The following ARHGAP23 variants were observed in gnomAD, a reference collection of about 807,000 sequenced individuals.
The protein encoded by ARHGAP23 is rho GTPase-activating protein 23.
In ARHGAP23, 34 loss-of-function variants were observed where a neutral mutation model predicts 136.3. That is an observed-to-expected ratio of 0.25 (90% confidence interval 0.19 to 0.33). ARHGAP23 has a LOEUF of 0.33. ARHGAP23 is among the 10% of genes least tolerant of loss of function. The probability of loss-of-function intolerance (pLI) is 1.00; values close to 1 mark genes in which losing one functional copy is unlikely to be tolerated. For missense variants in ARHGAP23, 1,808 were observed against 2,139.0 expected (o/e 0.85, Z 3.05); for synonymous variants, 832 against 920.5 (o/e 0.90, Z 1.74).
chr17:38,444,319 G>A (rs1225358209), intron 1 of ARHGAP23, among the ~76,000 whole-genome samples: 3 of 152,104 alleles, frequency 2.0e-5, no homozygotes, highest in African/African-American at 7.2e-5. Flanking sequence ...CTGCCAGGCA[G>A]CCGAGATGTG....
chr17:38,462,531 C>T (rs1391646655), intron 3 of ARHGAP23, among the ~76,000 whole-genome samples: 1 of 152,222 alleles, frequency 6.6e-6, no homozygotes, highest in African/African-American at 2.4e-5. Flanking sequence ...ACTGGGATTA[C>T]AGGCGTGAGC....
rs1254539950 is a variant in ARHGAP23, at chr17:38,477,591, G to A, written c.2131G>A (p.Gly711Ser). 7.8e-6 allele frequency: 10 copies of A among 1,274,942 alleles called. No homozygotes were observed. Among genetic ancestry groups the A allele is most frequent in the Non-Finnish European group, 8.9e-6 (9 of 1,007,326 alleles). 79.0% of individuals were successfully genotyped at this position (1,274,942 alleles called of 1,614,324 possible). A position where few individuals can be genotyped will look rare whatever the true frequency, so the allele number is the denominator to read the frequency against. ...TGTCTCCCTGCAGAAAGCGGGCAGC[G>A]GCCTGCGCCAGTGGAAGCGGGTGTA... ...LTKKGKKAGS[G>S]LRQWKRVYAA... is the part of the protein sequence containing the mutation. The change falls in exon 12 of 24, where the codon GGC (glycine) becomes AGC (serine). Residue 711 changes from glycine to serine, a missense_variant. Around this residue, in one of 7 missense-constraint regions of ARHGAP23, gnomAD observed 139 missense variants for 264.3 expected, o/e 0.53. Transcript: ENST00000622683. This position sits in a 1 kb window ranked among gnomAD's most constrained non-coding sequence, Gnocchi z 6.6.
In ARHGAP23 at chr17:38,462,954, A is replaced by T; in HGVS notation, c.349+13A>T. 6.5e-7 allele frequency: 1 copy of T among 1,544,672 alleles called. No homozygotes were observed. The highest frequency in any genetic ancestry group is 8.7e-7 in the Non-Finnish European group (1 of 1,144,878). On this transcript the variant is annotated intron_variant, in intron 4 of 23. Transcript: ENST00000622683. ...GGGCTTCGCACAGGTGAGCTGGCCCAGTTACCTGGGCTCTACTTTCTACCT... is the reference window on the plus strand; with the variant it reads ...GGGCTTCGCACAGGTGAGCTGGCCCTGTTACCTGGGCTCTACTTTCTACCT...
Position 38,458,168 on chromosome 17 carries a change from C to T in ARHGAP23, c.130C>T (p.Leu44=), listed in dbSNP as rs888959390. Residue 44 remains leucine, a synonymous_variant, in exon 2 of 24, where the codon CTG becomes TTG. Transcript: ENST00000622683. ...CTTCCCCTGGCAGGGGCCGAGGACGCTGCTGCTGTACAAAAGTCCCCAGGA... is the reference window on the plus strand; with the variant it reads ...CTTCCCCTGGCAGGGGCCGAGGACGTTGCTGCTGTACAAAAGTCCCCAGGA... The part of the protein sequence containing the change: ...RPFPWQGPRT[L]LLYKSPQDGF... 77 of 1,536,022 alleles carry T rather than the reference C, an allele frequency of 5.0e-5. No individual in the cohort carries two copies. The highest frequency in any genetic ancestry group is 6.7e-5 in the Non-Finnish European group (77 of 1,146,902).
intron 20 of ARHGAP23, among the ~76,000 whole-genome samples, chr17:38,493,204 GTTTT>G (rs201592798): frequency 1.5e-5 from 1 of 67,536 alleles, no homozygotes; most frequent in Non-Finnish European, 4.1e-5. Flanking sequence ...CTTTTTTTTT[GTTTT>G]TTTGTTTTTT....
At chr17:38,474,123 G>GTT (rs1317542026) in intron 11 of ARHGAP23, among the ~76,000 whole-genome samples, 2 of 152,160 alleles carry the variant, frequency 1.3e-5, no homozygotes, top group East Asian at 3.9e-4. Flanking sequence ...GTTTCACTAT[G>GTT]TTGGCCAGGC....
chr17:38,467,397 C>G, intron 7 of ARHGAP23, 66 bp downstream of exon 7: 1 of 1,409,688 alleles, frequency 7.1e-7, no homozygotes, highest in Non-Finnish European at 9.4e-7. Flanking sequence ...CCTGCTGTAC[C>G]CCATCTGCCT....
intron 23 of ARHGAP23, among the ~76,000 whole-genome samples, chr17:38,501,744 C>A (rs1013762835): frequency 3.9e-5 from 6 of 151,978 alleles, no homozygotes; most frequent in Admixed American, 1.3e-4. Flanking sequence ...TCCTATACCT[C>A]CTAAGGAAAT....
chr17:38,434,487 G>A (rs1004044124), intron 1 of ARHGAP23, among the ~76,000 whole-genome samples: 1 of 152,196 alleles, frequency 6.6e-6, no homozygotes, highest in African/African-American at 2.4e-5. Flanking sequence ...AGCATGGGGC[G>A]GGGCGTGGGG....
intron 6 of ARHGAP23, among the ~76,000 whole-genome samples, chr17:38,464,418 C>T (rs975285594): frequency 8.5e-5 from 13 of 152,270 alleles, no homozygotes; most frequent in Admixed American, 8.5e-4. Flanking sequence ...TTACTTGCCC[C>T]TGAGGTCACT....
Position 38,466,867 on chromosome 17 carries a change from G to C in ARHGAP23, c.1184G>C (p.Arg395Pro), listed in dbSNP as rs544775256. The change falls in exon 7 of 24, where the codon CGG (arginine) becomes CCG (proline). Residue 395 changes from arginine (R) to proline (P), a missense_variant. This residue lies in a region of ARHGAP23 where 859 missense variants were observed against 936.4 expected (regional missense o/e 0.92). Coordinates refer to ENST00000622683, the MANE Select transcript of ARHGAP23 (RefSeq NM_001199417.2). ...SSARTPACPT[R>P]DLPGPQAPPP... The stretch of plus-strand genomic sequence containing the variant: ...GCCCGCACCCCCGCCTGCCCAACTC[G>C]GGACCTGCCAGGGCCCCAGGCCCCA... 6.5e-7 allele frequency: 1 copy of C among 1,549,636 alleles called. No individual in the cohort carries two copies.
In ARHGAP23 at chr17:38,510,766, G is replaced by T; in HGVS notation, c.4270G>T (p.Glu1424Ter). Residue 1424 changes from glutamate (E) to a stop codon, truncating the protein, a stop_gained, in exon 24 of 24, where the codon GAG becomes TAG. Coordinates refer to ENST00000622683, the MANE Select transcript of ARHGAP23 (RefSeq NM_001199417.2). LOFTEE classifies it high-confidence loss of function. This position sits in a 1 kb window ranked among gnomAD's most constrained non-coding sequence, Gnocchi z 4.6. ...LTDLNFNEWK[E>*]LGGGGPPEPA... ...TGACCTCAACTTCAACGAGTGGAAG[G>T]AGCTGGGCGGAGGGGGCCCCCCGGA... 2.0e-6 allele frequency: 3 copies of T among 1,494,918 alleles called. No homozygotes were observed. The highest frequency in any genetic ancestry group is 8.9e-7 in the Non-Finnish European group (1 of 1,124,754). The allele number at this position is 1,494,918 out of a possible 1,614,324, so 92.6% of individuals were successfully genotyped here.
chr17:38,464,101 A>G (rs921256382), intron 6 of ARHGAP23, among the ~76,000 whole-genome samples: 16 of 152,120 alleles, frequency 1.1e-4, no homozygotes, highest in African/African-American at 3.9e-4. Flanking sequence ...CACTATCACA[A>G]CATGTATGCT....
upstream of ARHGAP23, among the ~76,000 whole-genome samples, chr17:38,424,496 C>T (rs2038551079): frequency 1.3e-5 from 2 of 152,174 alleles, no homozygotes; most frequent in African/African-American, 4.8e-5. Flanking sequence ...GCCACCTTCT[C>T]TGGCTGCCTG....
At chr17:38,426,665 G>GA (rs2038575854), upstream of ARHGAP23, among the ~76,000 whole-genome samples, 1 of 152,024 alleles carries the variant, frequency 6.6e-6, no homozygotes, top group Non-Finnish European at 1.5e-5. Flanking sequence ...GATAAAAAGG[G>GA]ATGAGGAAGG....
At chr17:38,460,000 A>G (rs942828333) in intron 2 of ARHGAP23, among the ~76,000 whole-genome samples, 12 of 152,158 alleles carry the variant, frequency 7.9e-5, no homozygotes, top group African/African-American at 2.7e-4. Flanking sequence ...GGCCTTGAAC[A>G]CACCATACCC....
At position 38,496,656 on chromosome 17, in the gene ARHGAP23, G is replaced by T. The variant is rs2144776137; in HGVS notation, c.3277-1129G>T. ...GTGTGGTGGCTCCAGAGAGCAGGAG[G>T]TTCACTTAAGGGGTGATTAAAACAA... On this transcript the variant is annotated intron_variant, in intron 20 of 23. Transcript: ENST00000622683. 1.3e-5 allele frequency among the ~76,000 whole-genome samples: 2 copies of T among 152,214 alleles called. 1 individual carries two copies. The highest frequency in any genetic ancestry group is 6.8e-3 in the Middle Eastern group (2 of 294).
At chr17:38,458,073 G>C (rs574650843) in intron 1 of ARHGAP23, 29 bp from the exon 2 acceptor site, 1 of 1,535,126 alleles carries the variant, frequency 6.5e-7, no homozygotes, top group African/African-American at 1.4e-5. Flanking sequence ...CCACACGGGC[G>C]CTCAGCCTGG....
chr17:38,461,661 A>C (rs931154816), intron 3 of ARHGAP23, among the ~76,000 whole-genome samples: 1 of 152,046 alleles, frequency 6.6e-6, no homozygotes, highest in South Asian at 2.1e-4. Flanking sequence ...GTTGGGGTGC[A>C]ATGCGATTTG....
Sources: allele counts gnomAD v4.1 joint callset (sites outside exome capture counted in the v4.1 genomes callset), GRCh38; gene constraint gnomAD v4.1.1; regional missense constraint gnomAD v4.1.1; non-coding constraint Gnocchi (gnomAD v3.1); transcripts MANE v1.5; gene names NCBI Gene and HGNC (gene_info 2026-07-23, HGNC 2026-07-21).